SENP7: variants seen among roughly 807,000 people sequenced by gnomAD.
SENP7 encodes the protein SUMO specific peptidase 7.
A neutral mutation model predicts 141.2 loss-of-function variants in SENP7; 64 were observed. The observed-to-expected ratio is 0.45, with a 90% CI of 0.37 to 0.56. The LOEUF is 0.56. Among genes scored for constraint, SENP7 ranks in the 20% least tolerant of loss-of-function variants. The pLI, the probability that SENP7 is intolerant of heterozygous loss-of-function variation, is 0.00. For missense variants in SENP7, 1,025 were observed against 1,212.2 expected (o/e 0.85, Z 2.29); for synonymous variants, 382 against 426.4 (o/e 0.90, Z 1.28).
chr3:101,397,298 A>T (rs555108647), intron 6 of SENP7, among the ~76,000 whole-genome samples: 2 of 151,516 alleles, frequency 1.3e-5, no homozygotes, highest in African/African-American at 4.8e-5. Context: ...CATCTGGCTC[A>T]TTTTTTTCAT....
At chr3:101,452,117 G>A (rs1320559719) in intron 4 of SENP7, among the ~76,000 whole-genome samples, 1 of 151,810 alleles carries the variant, frequency 6.6e-6, no homozygotes, top group Admixed American at 6.6e-5. Flanking sequence ...ATTCACAATT[G>A]CTTCAAAGAG....
intron 13 of SENP7, among the ~76,000 whole-genome samples, chr3:101,346,869 A>G (rs1266274067): frequency 6.6e-6 from 1 of 151,902 alleles, no homozygotes; most frequent in Non-Finnish European, 1.5e-5. Flanking sequence ...AACTTATGTA[A>G]TCAAATACCA....
At chr3:101,468,632 A>G (rs903102690) in intron 3 of SENP7, among the ~76,000 whole-genome samples, 1 of 152,224 alleles carries the variant, frequency 6.6e-6, no homozygotes, top group African/African-American at 2.4e-5. Context: ...AAGGAGACAT[A>G]AAATCCTTTA....
At chr3:101,443,493 A>G (rs1248336839) in intron 4 of SENP7, among the ~76,000 whole-genome samples, 1 of 151,456 alleles carries the variant, frequency 6.6e-6, no homozygotes, top group East Asian at 1.9e-4. Flanking sequence ...GAAGAAAGGC[A>G]TTGGTAGCTT....
rs1258695159 is a variant in SENP7 at position 101,463,392 on chromosome 3, TATATAC to T, written c.187-4346_187-4341del. Among the ~76,000 whole-genome samples the T allele has an allele frequency of 3.5e-3, 317 of 89,680 alleles. 3 individuals carry two copies. The highest frequency in any genetic ancestry group is 0.016 in the African/African-American group (285 of 18,176). 58.8% of individuals were successfully genotyped at this position (89,680 alleles called of 152,430 possible). A position where few individuals can be genotyped will look rare whatever the true frequency, so the allele number is the denominator to read the frequency against. Reference sequence around the variant, plus strand: ...ATATATATATATATATATATATATATATATACATATATATATATATATATACACACA... The same window carrying T: ...ATATATATATATATATATATATATATATATATATATATATATATACACACA... On this transcript the variant is annotated intron_variant, in intron 3 of 23. Transcript: ENST00000394095.
intron 3 of SENP7, among the ~76,000 whole-genome samples, chr3:101,463,400 T>TATATATATATATACACAC (rs1553744824): frequency 1.5e-4 from 12 of 77,994 alleles, no homozygotes; most frequent in East Asian, 7.9e-4. Context: ...TATATATACA[T>TATATATATATATACACAC]ATATATATAT....
At chr3:101,466,733 G>A (rs539410788) in intron 3 of SENP7, among the ~76,000 whole-genome samples, 2 of 152,158 alleles carry the variant, frequency 1.3e-5, no homozygotes, top group African/African-American at 2.4e-5. Context: ...TGGCTAAATA[G>A]GAACAGCTCC....
At chr3:101,435,325 T>C (rs78511182) in intron 4 of SENP7, among the ~76,000 whole-genome samples, 3,616 of 152,150 alleles carry the variant, frequency 0.024, 145 homozygotes, top group African/African-American at 0.082. Context: ...TCCTAGCTAG[T>C]ATCATACTAA....
chr3:101,433,092 C>T (rs2062245337), intron 4 of SENP7, among the ~76,000 whole-genome samples: 2 of 151,786 alleles, frequency 1.3e-5, no homozygotes, highest in Admixed American at 1.3e-4. Flanking sequence ...TAAATAGAAG[C>T]AACAAAAAAG....
intron 4 of SENP7, among the ~76,000 whole-genome samples, chr3:101,436,677 T>TTTGAA (rs2062401119): frequency 6.6e-6 from 1 of 151,734 alleles, no homozygotes; most frequent in African/African-American, 2.4e-5. Context: ...TATGAAAAGG[T>TTTGAA]GTTCAACATC....
At chr3:101,449,316 A>G (rs1288310049) in intron 4 of SENP7, among the ~76,000 whole-genome samples, 1 of 152,208 alleles carries the variant, frequency 6.6e-6, no homozygotes, top group African/African-American at 2.4e-5. Context: ...TATCCAGGAG[A>G]ACTTCCCCAA....
At chr3:101,406,064 C>T (rs941871885) in intron 5 of SENP7, among the ~76,000 whole-genome samples, 4 of 152,234 alleles carry the variant, frequency 2.6e-5, no homozygotes, top group Middle Eastern at 3.4e-3. Flanking sequence ...TACTATTTGA[C>T]CCAGCAATCC....
intron 5 of SENP7, among the ~76,000 whole-genome samples, chr3:101,404,123 G>A (rs1351270117): frequency 3.9e-5 from 6 of 151,996 alleles, no homozygotes; most frequent in African/African-American, 1.4e-4. Flanking sequence ...GCAATCCTAA[G>A]CAAAAAGAAG....
intron 6 of SENP7, among the ~76,000 whole-genome samples, chr3:101,387,355 G>C (rs1266209932): frequency 1.3e-5 from 2 of 151,896 alleles, no homozygotes; most frequent in East Asian, 3.9e-4. Context: ...TCTGGGGCCT[G>C]AAAACAGGCC....
At position 101,417,483 on chromosome 3, in the gene SENP7, T is replaced by C. The variant is rs977388438; in HGVS notation, c.482+110A>G. On this transcript the variant is annotated intron_variant, in intron 5 of 23. Coordinates refer to ENST00000394095, the MANE Select transcript of SENP7 (RefSeq NM_020654.5). ...TTTGCTTTAGAGTGTGGTATGCCTA[T>C]ATATGCAAATCTCCTTTCAGGTCAT... 6 of 853,004 alleles carry C rather than the reference T, an allele frequency of 7.0e-6. No individual in the cohort carries two copies. The African/African-American group carries it at 8.4e-5, about 12-fold the overall frequency. The allele number at this position is 853,004 out of a possible 1,614,324, so 52.8% of individuals were successfully genotyped here. A position where few individuals can be genotyped will look rare whatever the true frequency, so the allele number is the denominator to read the frequency against.
At chr3:101,361,943 T>G in intron 10 of SENP7, 82 bp from the exon 11 acceptor site, 3 of 1,396,172 alleles carry the variant, frequency 2.1e-6, no homozygotes, top group Non-Finnish European at 2.9e-6. Flanking sequence ...ATCAAATTCT[T>G]CTTTAAATTA....
At chr3:101,450,533 T>C (rs2063089257) in intron 4 of SENP7, among the ~76,000 whole-genome samples, 2 of 152,034 alleles carry the variant, frequency 1.3e-5, no homozygotes, top group African/African-American at 2.4e-5. Context: ...ACAGTGCAAT[T>C]AAACAAGAAC....
chr3:101,337,949 T>C (rs1173163959), intron 16 of SENP7, among the ~76,000 whole-genome samples: 1 of 152,032 alleles, frequency 6.6e-6, no homozygotes, highest in Non-Finnish European at 1.5e-5. Context: ...GGTCAAGAGA[T>C]CGAGACCATT....
intron 6 of SENP7, among the ~76,000 whole-genome samples, chr3:101,395,850 TTATAATACTTCTGA>T (rs370755222): frequency 8.2e-4 from 125 of 152,308 alleles, no homozygotes; most frequent in African/African-American, 2.9e-3. Flanking sequence ...TAATATCCTT[TTATAATACTTCTGA>T]TATCAGCACC....
Sources: allele counts gnomAD v4.1 joint callset (sites outside exome capture counted in the v4.1 genomes callset), GRCh38; gene constraint gnomAD v4.1.1; transcripts MANE v1.5; gene names NCBI Gene and HGNC (gene_info 2026-07-23, HGNC 2026-07-21).